SRRM4: variants seen among roughly 807,000 people sequenced by gnomAD.
The protein encoded by SRRM4 is serine/arginine repetitive matrix 4.
A neutral mutation model predicts 68.9 loss-of-function variants in SRRM4; 33 were observed. The observed-to-expected ratio is 0.48, with a 90% CI of 0.36 to 0.64. SRRM4 has a LOEUF of 0.64. SRRM4 is among the 30% of genes least tolerant of loss of function. The probability of loss-of-function intolerance (pLI) is 0.00; values close to 1 mark genes in which losing one functional copy is unlikely to be tolerated. For synonymous variants in SRRM4, 318 were observed against 318.8 expected (o/e 1.00, Z 0.03); for missense variants, 817 against 827.1 (o/e 0.99, Z 0.15).
intron 2 of SRRM4, among the ~76,000 whole-genome samples, chr12:119,105,318 C>T (rs537576237): frequency 1.3e-5 from 2 of 152,196 alleles, no homozygotes; most frequent in African/African-American, 4.8e-5. Context: ...GATTTATAAT[C>T]CTTTGGTTAT....
intron 1 of SRRM4, among the ~76,000 whole-genome samples, chr12:119,031,941 C>G (rs1953594462): frequency 1.3e-5 from 2 of 152,062 alleles, no homozygotes; most frequent in South Asian, 4.1e-4. Context: ...TTTAAATGGT[C>G]AAACCCAGCA....
In SRRM4 at chr12:119,029,259, C is replaced by T. The variant is rs1953570893; in HGVS notation, c.131+47246C>T. On this transcript the variant is annotated intron_variant, in intron 1 of 12. Transcript: ENST00000267260. ...GCAAAGGACAAGGACAGTGATTTCT[C>T]CTTTGTCACTGAGTGGAAAATGATA... Among the ~76,000 whole-genome samples, 13 of 152,262 alleles carry T rather than the reference C, an allele frequency of 8.5e-5. No individual in the cohort carries two copies. In the South Asian group the frequency reaches 2.7e-3, roughly 32 times the overall value.
At chr12:119,079,034 C>T (rs1347434281) in intron 1 of SRRM4, among the ~76,000 whole-genome samples, 2 of 152,176 alleles carry the variant, frequency 1.3e-5, no homozygotes, top group Admixed American at 6.5e-5. Flanking sequence ...ACCAAAAGCA[C>T]AGGAGAAGGG....
intron 1 of SRRM4, among the ~76,000 whole-genome samples, chr12:119,004,310 C>A (rs1000586653): frequency 6.6e-6 from 1 of 151,946 alleles, no homozygotes; most frequent in East Asian, 2.0e-4. Context: ...CTGCTCCTTG[C>A]GTCCTGTGGG....
chr12:119,087,878 C>T (rs1025416727), intron 1 of SRRM4, among the ~76,000 whole-genome samples: 6 of 152,106 alleles, frequency 3.9e-5, no homozygotes, highest in Non-Finnish European at 7.4e-5. Flanking sequence ...ACTGCGTGTC[C>T]TCAGGCAAGC....
intron 8 of SRRM4, among the ~76,000 whole-genome samples, chr12:119,138,893 A>C (rs1230416266): frequency 6.6e-6 from 1 of 152,152 alleles, no homozygotes; most frequent in Non-Finnish European, 1.5e-5. Context: ...GAGATGGAAG[A>C]AGAGGTAAAA....
At chr12:119,117,873 T>C (rs1485114240) in intron 4 of SRRM4, among the ~76,000 whole-genome samples, 1 of 152,040 alleles carries the variant, frequency 6.6e-6, no homozygotes, top group Non-Finnish European at 1.5e-5. Flanking sequence ...GATCGCTCCA[T>C]TGCACTCCAG....
At position 119,161,885 on chromosome 12, in the gene SRRM4, G is replaced by T. The variant is rs1405224385; in HGVS notation, c.*5087G>T. On this transcript the variant is annotated 3_prime_UTR_variant, in exon 13 of 13. Coordinates refer to ENST00000267260, the MANE Select transcript of SRRM4 (RefSeq NM_194286.4). ...TTCTATTAAAAAGTCACAACTCCTTGAAAAAAAAAATAAAGAAAAATTGTA... is the reference window on the plus strand; with the variant it reads ...TTCTATTAAAAAGTCACAACTCCTTTAAAAAAAAAATAAAGAAAAATTGTA... 1 of 145,028 alleles carries T rather than the reference G, an allele frequency of 6.9e-6. No homozygotes were observed. Among genetic ancestry groups the T allele is most frequent in the African/African-American group, 2.5e-5 (1 of 39,618 alleles). 9.0% of individuals were successfully genotyped at this position (145,028 alleles called of 1,614,324 possible). A position where few individuals can be genotyped will look rare whatever the true frequency, so the allele number is the denominator to read the frequency against.
chr12:119,153,012 G>A (rs1212244031), intron 10 of SRRM4, among the ~76,000 whole-genome samples: 2 of 152,150 alleles, frequency 1.3e-5, no homozygotes, highest in Non-Finnish European at 2.9e-5. Flanking sequence ...CTGTGCCTCT[G>A]TTTCCCCATC....
chr12:119,030,989 A>G (rs1252526952), intron 1 of SRRM4: 2 of 152,238 alleles, frequency 1.3e-5, no homozygotes, highest in Non-Finnish European at 2.9e-5. Context: ...TTCTTCTGGT[A>G]AATCCTTATA....
Position 119,159,018 on chromosome 12 carries a change from T to TGTGTGTGTGTGTGTGTGTGTGTG in SRRM4, c.*2220_*2221insGTGTGTGTGTGTGTGTGTGTGTG, listed in dbSNP as rs1592921107. ...GTGTGTGTGTGTGTGTGTGTGTGTG[T>TGTGTGTGTGTGTGTGTGTGTGTG]TGGGGGGATCTCCTAAATTATTTCT... On this transcript the variant is annotated 3_prime_UTR_variant, in exon 13 of 13. Coordinates refer to ENST00000267260, the MANE Select transcript of SRRM4 (RefSeq NM_194286.4). The TGTGTGTGTGTGTGTGTGTGTGTG allele has an allele frequency of 8.6e-6, 1 of 116,466 alleles. No homozygotes were observed. Among genetic ancestry groups the TGTGTGTGTGTGTGTGTGTGTGTG allele is most frequent in the Admixed American group, 9.2e-5 (1 of 10,826 alleles). The allele number at this position is 116,466 out of a possible 1,614,324, so 7.2% of individuals were successfully genotyped here.
intron 2 of SRRM4, among the ~76,000 whole-genome samples, chr12:119,109,900 T>A (rs117725982): frequency 0.077 from 11,724 of 152,262 alleles, 507 homozygotes; most frequent in Admixed American, 0.1. Flanking sequence ...GAGAAGAGGC[T>A]CTCTGATTTT....
chr12:119,080,158 C>T (rs898815401), intron 1 of SRRM4, among the ~76,000 whole-genome samples: 2 of 151,966 alleles, frequency 1.3e-5, no homozygotes, highest in Admixed American at 6.5e-5. Context: ...TCTGGGACCT[C>T]GGTGGTTCTA....
At chr12:118,986,045 G>C (rs7133325) in intron 1 of SRRM4, among the ~76,000 whole-genome samples, 22,385 of 152,096 alleles carry the variant, frequency 0.15, 1,736 homozygotes, top group African/African-American at 0.18. Flanking sequence ...CCCAGGCCCT[G>C]TCCAAAAGGC....
At position 119,154,760 on chromosome 12, in the gene SRRM4, C is replaced by T. The variant is rs1324110702; in HGVS notation, c.1532+377C>T. On this transcript the variant is annotated intron_variant, in intron 12 of 12. Transcript: ENST00000267260. This position sits in a 1 kb window ranked among gnomAD's most constrained non-coding sequence, Gnocchi z 4.7. The stretch of plus-strand genomic sequence containing the variant: ...GGAGGCCAAAGCAATGGAGCAGGAC[C>T]TTGGCCTGGTGGTGGATCCCGAGCA... 1.3e-5 allele frequency among the ~76,000 whole-genome samples: 2 copies of T among 152,308 alleles called. No homozygotes were observed. Among genetic ancestry groups the T allele is most frequent in the East Asian group, 3.9e-4 (2 of 5,166 alleles).
chr12:119,156,735 C>G lies in SRRM4; in HGVS notation c.1773C>G (p.Ser591Arg). 1 of 1,546,886 alleles carries G rather than the reference C, an allele frequency of 6.5e-7. No homozygotes were observed. The highest frequency in any genetic ancestry group is 2.0e-5 in the Admixed American group (1 of 50,952). ...SRSRSRSRSR[S>R]RSRSQSRSYS... is the part of the protein sequence containing the mutation. ...GCCGGAGCAGGAGCCGGAGCCGGAG[C>G]CGGAGCAGGAGCCAGAGCCGGAGCT... Residue 591 changes from serine (S) to arginine (R), a missense_variant, in exon 13 of 13, where the codon AGC (serine) becomes AGG (arginine). Ser to Arg is a moderately radical substitution (Grantham distance 110, BLOSUM62 -1). Transcript: ENST00000267260.
chr12:119,136,193 G>A (rs538286355), intron 8 of SRRM4, among the ~76,000 whole-genome samples: 197 of 152,276 alleles, frequency 1.3e-3, no homozygotes, highest in African/African-American at 4.6e-3. Context: ...AAGATCGCAG[G>A]TGAACTTCAC....
chr12:119,093,197 T>A (rs185456392), intron 1 of SRRM4, among the ~76,000 whole-genome samples: 3 of 152,356 alleles, frequency 2.0e-5, no homozygotes, highest in Admixed American at 6.5e-5. Context: ...GTTTATTTTC[T>A]GCTCTCTTCC....
chr12:119,112,535 A>T (rs1265238416), intron 2 of SRRM4, among the ~76,000 whole-genome samples: 6 of 152,220 alleles, frequency 3.9e-5, no homozygotes, highest in Non-Finnish European at 8.8e-5. Flanking sequence ...AATAGCAAAG[A>T]CATGAAATGA....
Sources: gnomAD v4.1 joint callset for allele counts (sites outside exome capture counted in the v4.1 genomes callset) on GRCh38, gnomAD v4.1.1 for gene constraint, Gnocchi (gnomAD v3.1) non-coding constraint, MANE v1.5 for transcripts, NCBI Gene and HGNC (gene_info 2026-07-23, HGNC 2026-07-21) for gene names.